The following OR6N1 variants were observed in gnomAD, a reference collection of about 807,000 sequenced individuals.
OR6N1 encodes the protein olfactory receptor 6N1.
For missense variants in OR6N1, 394 were observed against 371.7 expected, an observed-to-expected ratio of 1.06 and a Z score of -0.49; for synonymous variants, 170 against 150.7, an observed-to-expected ratio of 1.13 and a Z score of -0.94.
At chr1:158,807,282 A>T in the OR6N1 span, among the ~76,000 whole-genome samples, 3,486 of 152,342 alleles carry the variant, frequency 0.023, 132 homozygotes, top group African/African-American at 0.077. Context: ...ACATGAAGGC[A>T]GCTGTAACTA....
chr1:158,836,901 T>C, the OR6N1 span, among the ~76,000 whole-genome samples: 2 of 151,852 alleles, frequency 1.3e-5, no homozygotes, highest in East Asian at 3.8e-4. Flanking sequence ...AAATGATATG[T>C]TGTGTTTCTA....
intron 1 of OR6N1, among the ~76,000 whole-genome samples, chr1:158,770,908 A>G (rs1166131558): frequency 6.6e-6 from 1 of 152,184 alleles, no homozygotes; most frequent in Non-Finnish European, 1.5e-5. Flanking sequence ...TGTCCTTTCC[A>G]ATGACCAGAA....
At chr1:158,824,067 A>G in the OR6N1 span, among the ~76,000 whole-genome samples, 1 of 151,926 alleles carries the variant, frequency 6.6e-6, no homozygotes, top group East Asian at 1.9e-4. Flanking sequence ...GTTATGGTCC[A>G]AGAGTGTGGT....
At chr1:158,777,448 A>C in the OR6N1 span, 1 of 1,614,212 alleles carries the variant, frequency 6.2e-7, no homozygotes, top group Non-Finnish European at 8.5e-7. Context: ...AAGAACACTG[A>C]CAAAGTGGTA....
chr1:158,812,204 T>G, the OR6N1 span, among the ~76,000 whole-genome samples: 2 of 152,238 alleles, frequency 1.3e-5, no homozygotes, highest in Non-Finnish European at 2.9e-5. Context: ...AACTGATGGC[T>G]GCGTGTTCGC....
chr1:158,777,954 A>G, the OR6N1 span, among the ~76,000 whole-genome samples: 1 of 152,152 alleles, frequency 6.6e-6, no homozygotes, highest in South Asian at 2.1e-4. Context: ...TAATTAGAAC[A>G]CTTTTGTATT....
the OR6N1 span, among the ~76,000 whole-genome samples, chr1:158,780,645 TATA>T: frequency 6.6e-6 from 1 of 152,364 alleles, no homozygotes; most frequent in South Asian, 2.1e-4. Flanking sequence ...AAGCCTATTT[TATA>T]ATAAGGTATT....
At chr1:158,788,723 C>T in the OR6N1 span, among the ~76,000 whole-genome samples, 1 of 152,122 alleles carries the variant, frequency 6.6e-6, no homozygotes, top group African/African-American at 2.4e-5. Flanking sequence ...ATGTTTACTA[C>T]AGTCACCCTA....
the OR6N1 span, among the ~76,000 whole-genome samples, chr1:158,836,125 G>T: frequency 2.1e-5 from 3 of 144,678 alleles, no homozygotes; most frequent in East Asian, 6.3e-4. Context: ...ATATAATTAT[G>T]TTCGCTAGCA....
chr1:158,772,215 C>T (rs1398693040), upstream of OR6N1: 1 of 152,092 alleles, frequency 6.6e-6, no homozygotes, highest in African/African-American at 2.4e-5. Flanking sequence ...TAAGTTAAAC[C>T]ATAAAACAAA....
the OR6N1 span, among the ~76,000 whole-genome samples, chr1:158,830,138 C>A: frequency 6.6e-6 from 1 of 152,188 alleles, no homozygotes; most frequent in Non-Finnish European, 1.5e-5. Context: ...AACATGGTAA[C>A]TCCTGTCGTG....
At chr1:158,806,280 A>G in the OR6N1 span, among the ~76,000 whole-genome samples, 1 of 152,196 alleles carries the variant, frequency 6.6e-6, no homozygotes, top group Admixed American at 6.5e-5. Flanking sequence ...AGTTTATGAC[A>G]AGATAAATTT....
the OR6N1 span, among the ~76,000 whole-genome samples, chr1:158,801,209 T>C: frequency 6.6e-6 from 1 of 151,860 alleles, no homozygotes; most frequent in East Asian, 1.9e-4. Flanking sequence ...TCTGTGTGTG[T>C]ATGTGAAGAA....
chr1:158,832,729 T>C, the OR6N1 span, among the ~76,000 whole-genome samples: 16 of 152,136 alleles, frequency 1.1e-4, no homozygotes, highest in African/African-American at 1.2e-4. Context: ...AAAAAGTCTT[T>C]CTTTAAGTTA....
the OR6N1 span, among the ~76,000 whole-genome samples, chr1:158,833,200 C>G: frequency 2.0e-5 from 3 of 152,112 alleles, no homozygotes; most frequent in South Asian, 4.1e-4. Context: ...CCCTTTTGGC[C>G]TCCAACATTT....
chr1:158,839,148 A>G, the OR6N1 span, among the ~76,000 whole-genome samples: 1 of 151,926 alleles, frequency 6.6e-6, no homozygotes, highest in Non-Finnish European at 1.5e-5. Context: ...TTCTTTGTAT[A>G]CCTTTTGTTG....
the OR6N1 span, chr1:158,796,052 G>C: frequency 6.6e-6 from 1 of 152,240 alleles, no homozygotes; most frequent in African/African-American, 2.4e-5. Flanking sequence ...CCATGATCAC[G>C]TACTTGAGGT....
the OR6N1 span, among the ~76,000 whole-genome samples, chr1:158,783,140 C>T: frequency 6.6e-6 from 1 of 152,174 alleles, no homozygotes; most frequent in Non-Finnish European, 1.5e-5. Context: ...TCACTTCCTG[C>T]CTTGTTACTT....
the OR6N1 span, among the ~76,000 whole-genome samples, chr1:158,797,372 G>A: frequency 6.6e-6 from 1 of 152,128 alleles, no homozygotes; most frequent in Non-Finnish European, 1.5e-5. Flanking sequence ...CAAATCGGGG[G>A]GAAAGCGTTA....
Sources: gnomAD v4.1 joint callset for allele counts (sites outside exome capture counted in the v4.1 genomes callset) on GRCh38, gnomAD v4.1.1 for gene constraint, MANE v1.5 for transcripts, NCBI Gene and HGNC (gene_info 2026-07-23, HGNC 2026-07-21) for gene names.